Variants in AGMO observed in about 807,000 individuals in gnomAD.
The protein encoded by AGMO is alkylglycerol monooxygenase.
Under a neutral mutation model 60.2 loss-of-function variants are expected in AGMO, and 75 were observed. The ratio of observed to expected loss-of-function variants is 1.25; its 90% CI spans 1.03 to 1.51. The LOEUF (loss-of-function observed/expected upper bound fraction) is 1.51. AGMO is among the 40% of genes most tolerant of loss of function. The pLI is 0.00. For missense variants in AGMO, 763 were observed against 525.5 expected, an observed-to-expected ratio of 1.45 and a Z score of -4.42; for synonymous variants, 261 against 177.1, an observed-to-expected ratio of 1.47 and a Z score of -3.76.
intron 1 of AGMO, among the ~76,000 whole-genome samples, chr7:15,561,388 A>G (rs904239546): frequency 2.6e-5 from 4 of 152,188 alleles, no homozygotes; most frequent in African/African-American, 7.2e-5. Context: ...AATTGTTACA[A>G]AGTTTACTGA....
At chr7:15,168,721 GCT>G in the AGMO span, among the ~76,000 whole-genome samples, 1 of 152,176 alleles carries the variant, frequency 6.6e-6, no homozygotes, top group African/African-American at 2.4e-5. Context: ...AAGTATGCAC[GCT>G]CTGTCACTAG....
At chr7:15,482,750 T>A (rs1373104753) in intron 3 of AGMO, among the ~76,000 whole-genome samples, 1 of 152,168 alleles carries the variant, frequency 6.6e-6, no homozygotes, top group East Asian at 1.9e-4. Flanking sequence ...TATATCAGCC[T>A]ATGTAATGAT....
rs1436095215 is a variant in AGMO, at chr7:15,386,525, A to C, written c.957+881T>G. Among the ~76,000 whole-genome samples, 4 of 152,240 alleles carry C rather than the reference A, an allele frequency of 2.6e-5. No homozygotes were observed. In the East Asian group the frequency reaches 5.8e-4, roughly 22 times the overall value. ...CTATATCAAGTTGGTGGATTGTTGC[A>C]CAATGAATTGTGAACATAAACGGAA... On this transcript the variant is annotated intron_variant, in intron 9 of 12. Transcript: ENST00000342526.
At chr7:15,180,103 T>G in the AGMO span, among the ~76,000 whole-genome samples, 4 of 152,180 alleles carry the variant, frequency 2.6e-5, no homozygotes, top group Admixed American at 1.3e-4. Flanking sequence ...TGTTGATGAC[T>G]AACACCTGGC....
rs534197001 is a variant in AGMO at position 15,461,360 on chromosome 7, T to C, written c.410-30252A>G. Among the ~76,000 whole-genome samples, 7 of 151,768 alleles carry C rather than the reference T, an allele frequency of 4.6e-5. No homozygotes were observed. The East Asian group carries it at 1.2e-3, about 25-fold the overall frequency. On this transcript the variant is annotated intron_variant, in intron 3 of 12. Coordinates refer to ENST00000342526, the MANE Select transcript of AGMO (RefSeq NM_001004320.2). ...AAAAAAAACCATGATAAATAAAGGCTGTAGAGAAACAGCACCCTTAATATT... is the reference window on the plus strand; with the variant it reads ...AAAAAAAACCATGATAAATAAAGGCCGTAGAGAAACAGCACCCTTAATATT...
chr7:15,364,687 A>G (rs1336029642), intron 12 of AGMO, among the ~76,000 whole-genome samples: 5 of 152,224 alleles, frequency 3.3e-5, no homozygotes, highest in Middle Eastern at 3.4e-3. Flanking sequence ...ATTTTGATAG[A>G]TATCTCCAAA....
intron 3 of AGMO, among the ~76,000 whole-genome samples, chr7:15,541,933 G>GA (rs2115274830): frequency 6.6e-6 from 1 of 152,168 alleles, no homozygotes; most frequent in East Asian, 1.9e-4. Flanking sequence ...ACATTGAATA[G>GA]AAAAAGTAGG....
chr7:15,466,259 A>T (rs1782285351), intron 3 of AGMO, among the ~76,000 whole-genome samples: 1 of 152,164 alleles, frequency 6.6e-6, no homozygotes. Context: ...GCACAGAGAA[A>T]TGAAGTAAAT....
intron 12 of AGMO, among the ~76,000 whole-genome samples, chr7:15,278,174 C>G (rs564615037): frequency 6.0e-4 from 91 of 152,132 alleles, no homozygotes; most frequent in Non-Finnish European, 1.1e-3. Context: ...TTCACTCAGT[C>G]CAATACAGAC....
intron 4 of AGMO, among the ~76,000 whole-genome samples, chr7:15,428,913 T>C (rs1247036012): frequency 6.6e-6 from 1 of 152,076 alleles, no homozygotes; most frequent in Non-Finnish European, 1.5e-5. Context: ...AGACCAGCCA[T>C]ATATCCAGCC....
At chr7:15,366,493 C>G (rs1254835247) in intron 10 of AGMO, among the ~76,000 whole-genome samples, 1 of 151,852 alleles carries the variant, frequency 6.6e-6, no homozygotes, top group Non-Finnish European at 1.5e-5. Flanking sequence ...AAAGTTTTGA[C>G]TTTTATAATT....
intron 12 of AGMO, among the ~76,000 whole-genome samples, chr7:15,320,306 T>A (rs548455220): frequency 4.0e-5 from 6 of 151,818 alleles, no homozygotes; most frequent in Non-Finnish European, 5.9e-5. Flanking sequence ...ATATAATGTA[T>A]CCTAATGCAA....
chr7:15,421,809 T>C (rs905285605), intron 4 of AGMO, among the ~76,000 whole-genome samples: 3 of 152,178 alleles, frequency 2.0e-5, no homozygotes, highest in African/African-American at 7.2e-5. Flanking sequence ...TTGGTTGAAC[T>C]TGTTGATATG....
intron 12 of AGMO, among the ~76,000 whole-genome samples, chr7:15,262,088 A>G (rs1439728951): frequency 1.3e-5 from 2 of 151,670 alleles, no homozygotes; most frequent in Non-Finnish European, 3.0e-5. Context: ...AAGAATGTCC[A>G]TTGTCACTAC....
At chr7:15,371,990 AG>A (rs1192549640) in intron 10 of AGMO, among the ~76,000 whole-genome samples, 1 of 152,190 alleles carries the variant, frequency 6.6e-6, no homozygotes, top group Non-Finnish European at 1.5e-5. Flanking sequence ...CTTAAAAAAC[AG>A]AATATCCCAA....
At chr7:15,416,195 A>G (rs893676022) in intron 5 of AGMO, among the ~76,000 whole-genome samples, 1 of 151,398 alleles carries the variant, frequency 6.6e-6, no homozygotes, top group African/African-American at 2.4e-5. Flanking sequence ...CACCACACCC[A>G]ACTAATTTTT....
intron 12 of AGMO, among the ~76,000 whole-genome samples, chr7:15,339,783 T>C (rs1350526310): frequency 1.3e-5 from 2 of 152,200 alleles, no homozygotes; most frequent in African/African-American, 4.8e-5. Context: ...TCAGCTACCA[T>C]TAATCCAATG....
At chr7:15,169,904 T>G in the AGMO span, among the ~76,000 whole-genome samples, 1 of 152,244 alleles carries the variant, frequency 6.6e-6, no homozygotes, top group Non-Finnish European at 1.5e-5. Flanking sequence ...TGGGTGGATA[T>G]GATTAGGCCT....
intron 12 of AGMO, among the ~76,000 whole-genome samples, chr7:15,344,184 A>G (rs369835804): frequency 6.6e-6 from 1 of 152,186 alleles, no homozygotes; most frequent in African/African-American, 2.4e-5. Context: ...AATGTATGGC[A>G]CATAGAAGGC....
Sources: allele counts gnomAD v4.1 joint callset (sites outside exome capture counted in the v4.1 genomes callset), GRCh38; gene constraint gnomAD v4.1.1; transcripts MANE v1.5; gene names NCBI Gene and HGNC (gene_info 2026-07-23, HGNC 2026-07-21).